The following RFX3 variants were observed in gnomAD, a reference collection of about 807,000 sequenced individuals.
RFX3 encodes the protein regulatory factor X3, also known as transcription factor RFX3.
In RFX3, 14 loss-of-function variants were observed where a neutral mutation model predicts 98.6. The observed-to-expected ratio is 0.14, with a 90% confidence interval of 0.09 to 0.22. The LOEUF (loss-of-function observed/expected upper bound fraction) is 0.22. RFX3 is among the 10% of genes least tolerant of loss of function. The pLI, the probability that RFX3 is intolerant of heterozygous loss-of-function variation, is 1.00. For missense variants in RFX3, 639 were observed against 926.9 expected (o/e 0.69, Z 4.03); for synonymous variants, 383 against 328.4 (o/e 1.17, Z -1.80).
At chr9:3,343,856 T>C (rs1393542847) in intron 3 of RFX3, among the ~76,000 whole-genome samples, 1 of 152,218 alleles carries the variant, frequency 6.6e-6, no homozygotes, top group Non-Finnish European at 1.5e-5. Flanking sequence ...TTGGACTTTG[T>C]GACAAATGAC....
chr9:3,287,084 T>C (rs1405045943), intron 7 of RFX3, among the ~76,000 whole-genome samples: 3 of 151,938 alleles, frequency 2.0e-5, no homozygotes, highest in Non-Finnish European at 4.4e-5. Flanking sequence ...ATTTTTTAAC[T>C]CTTCAAACAT....
chr9:3,252,501 C>T (rs1433087165), intron 14 of RFX3, among the ~76,000 whole-genome samples: 1 of 152,056 alleles, frequency 6.6e-6, no homozygotes, highest in African/African-American at 2.4e-5. Context: ...AGTGAGGAAA[C>T]GAACACAGGT....
intron 1 of RFX3, among the ~76,000 whole-genome samples, chr9:3,481,428 T>C (rs1849747872): frequency 6.6e-6 from 1 of 152,050 alleles, no homozygotes; most frequent in African/African-American, 2.4e-5. Context: ...CTAACTAACA[T>C]GAACAATTTA....
intron 15 of RFX3, among the ~76,000 whole-genome samples, chr9:3,232,221 G>A (rs1316827091): frequency 6.6e-6 from 1 of 152,160 alleles, no homozygotes; most frequent in African/African-American, 2.4e-5. Context: ...CTTGCACAAA[G>A]GATTAGAGGG....
At chr9:3,371,214 G>A (rs1251787090) in intron 2 of RFX3, among the ~76,000 whole-genome samples, 1 of 152,104 alleles carries the variant, frequency 6.6e-6, no homozygotes, top group African/African-American at 2.4e-5. Context: ...AAATTCAGAT[G>A]TCTCTGTTCA....
At chr9:3,320,731 T>A (rs1490733695) in intron 4 of RFX3, among the ~76,000 whole-genome samples, 2 of 123,494 alleles carry the variant, frequency 1.6e-5, no homozygotes, top group African/African-American at 9.2e-5. Flanking sequence ...TACACACACA[T>A]ATGTGCCTAT....
In RFX3 at chr9:3,398,858, T is replaced by C. The variant is rs1015684766; in HGVS notation, c.-8-3262A>G. 6.6e-5 allele frequency among the ~76,000 whole-genome samples: 9 copies of C among 136,022 alleles called. No individual in the cohort carries two copies. The East Asian group carries it at 1.7e-3, about 26-fold the overall frequency. 89.2% of individuals were successfully genotyped at this position (136,022 alleles called of 152,430 possible). On this transcript the variant is annotated intron_variant, in intron 1 of 16. Coordinates refer to ENST00000617270, the MANE Select transcript of RFX3 (RefSeq NM_001282116.2). ...CTTTAAAAATTAAAACTACCATGTATACATATGTAACTAACCTGCACAATG... is the reference window on the plus strand; with the variant it reads ...CTTTAAAAATTAAAACTACCATGTACACATATGTAACTAACCTGCACAATG...
At position 3,346,597 on chromosome 9, in the gene RFX3, G is replaced by A. The variant is rs149093505; in HGVS notation, c.215+70C>T. The A allele has an allele frequency of 3.0e-4, 269 of 907,936 alleles. No individual in the cohort carries two copies. The East Asian group carries it at 4.0e-3, about 13-fold the overall frequency. The allele number at this position is 907,936 out of a possible 1,614,324, so 56.2% of individuals were successfully genotyped here. ...ACAAGGAAACAATCTGGGAATAGTG[G>A]GAGGTGTTCAAAAGTACATTATTTT... On this transcript the variant is annotated intron_variant, in intron 3 of 16. Transcript: ENST00000617270.
At chr9:3,309,173 C>G (rs562686764) in intron 4 of RFX3, among the ~76,000 whole-genome samples, 2 of 152,200 alleles carry the variant, frequency 1.3e-5, no homozygotes, top group African/African-American at 4.8e-5. Context: ...TATTTTGTGA[C>G]AGACTACAGC....
intron 1 of RFX3, among the ~76,000 whole-genome samples, chr9:3,411,866 A>T (rs1263735284): frequency 6.6e-6 from 1 of 152,122 alleles, no homozygotes; most frequent in East Asian, 1.9e-4. Context: ...CACTGGCTAC[A>T]CAACAGCCCC....
chr9:3,433,816 T>C (rs768029690), intron 1 of RFX3, among the ~76,000 whole-genome samples: 26 of 152,168 alleles, frequency 1.7e-4, no homozygotes, highest in Non-Finnish European at 3.1e-4. Context: ...GTAGTAAATA[T>C]TTTAGGCTTT....
chr9:3,349,728 T>C (rs1051397416), intron 2 of RFX3, among the ~76,000 whole-genome samples: 3 of 152,206 alleles, frequency 2.0e-5, no homozygotes, highest in African/African-American at 7.2e-5. Context: ...ACACACCTCA[T>C]TCTAAGAAAA....
At chr9:3,233,366 C>T (rs915252463) in intron 15 of RFX3, among the ~76,000 whole-genome samples, 22 of 152,166 alleles carry the variant, frequency 1.4e-4, no homozygotes, top group African/African-American at 2.4e-5. Flanking sequence ...CCTGGCTCAG[C>T]GTGGGAGAAT....
intron 1 of RFX3, among the ~76,000 whole-genome samples, chr9:3,427,111 C>G (rs1587638609): frequency 6.6e-6 from 1 of 151,146 alleles, no homozygotes; most frequent in East Asian, 1.9e-4. Flanking sequence ...AACAACTAGG[C>G]CATCTCAAGG....
chr9:3,449,618 G>A (rs568509967), intron 1 of RFX3, among the ~76,000 whole-genome samples: 1 of 152,220 alleles, frequency 6.6e-6, no homozygotes, highest in East Asian at 1.9e-4. Context: ...CAGGAACTGG[G>A]GAGGCCAAGG....
chr9:3,483,969 C>G (rs1219627868), intron 1 of RFX3, among the ~76,000 whole-genome samples: 1 of 152,138 alleles, frequency 6.6e-6, no homozygotes, highest in Non-Finnish European at 1.5e-5. Flanking sequence ...TTACACAACT[C>G]AAAATTTTTT....
At chr9:3,344,465 G>T (rs1342084429) in intron 3 of RFX3, among the ~76,000 whole-genome samples, 2 of 152,122 alleles carry the variant, frequency 1.3e-5, no homozygotes, top group Admixed American at 6.6e-5. Context: ...GAGTATTTCG[G>T]ATTTCAGATT....
At chr9:3,336,461 T>C (rs981882489) in intron 3 of RFX3, among the ~76,000 whole-genome samples, 4 of 151,564 alleles carry the variant, frequency 2.6e-5, no homozygotes, top group Non-Finnish European at 4.4e-5. Context: ...CCAAATAGGA[T>C]AGTTAAGGAA....
At chr9:3,410,785 T>TAA (rs1214943621) in intron 1 of RFX3, among the ~76,000 whole-genome samples, 1 of 152,214 alleles carries the variant, frequency 6.6e-6, no homozygotes, top group Non-Finnish European at 1.5e-5. Flanking sequence ...TGCATTCTTT[T>TAA]AAAAAGATTT....
Sources: allele counts gnomAD v4.1 joint callset (sites outside exome capture counted in the v4.1 genomes callset), GRCh38; gene constraint gnomAD v4.1.1; transcripts MANE v1.5; gene names NCBI Gene and HGNC (gene_info 2026-07-23, HGNC 2026-07-21).